PRR12: variants seen among roughly 807,000 people sequenced by gnomAD.
PRR12 encodes the protein proline rich 12.
PRR12 carries 12 observed loss-of-function variants against 138.0 expected under a neutral mutation model. The ratio of observed to expected loss-of-function variants is 0.09; its 90% CI spans 0.06 to 0.14. The LOEUF is 0.14. Ranked by LOEUF, PRR12 falls within the 10% of genes least tolerant of loss-of-function variation. The pLI is 1.00. For missense variants in PRR12, 2,692 were observed against 2,861.3 expected (o/e 0.94, Z 1.35); for synonymous variants, 1,567 against 1,291.7 (o/e 1.21, Z -4.57).
At chr19:49,615,227 A>T (rs997598073) in intron 8 of PRR12, among the ~76,000 whole-genome samples, 37 of 144,994 alleles carry the variant, frequency 2.6e-4, no homozygotes, top group Non-Finnish European at 5.0e-4. Flanking sequence ...AGAGACCCAG[A>T]GGTGGGGGGA....
At position 49,625,807 on chromosome 19, in the gene PRR12, T is replaced by G; in HGVS notation, c.*200T>G. On this transcript the variant is annotated 3_prime_UTR_variant, in exon 14 of 14. Coordinates refer to ENST00000418929, the MANE Select transcript of PRR12 (RefSeq NM_020719.3). This position sits in a 1 kb window ranked among gnomAD's most constrained non-coding sequence, Gnocchi z 5.5. ...CCAAGCCCCCTCCACTCCCTCCCCA[T>G]TCCTCCCACTGTTCGGTGTACAGAG... The G allele has an allele frequency of 1.8e-5, 9 of 510,616 alleles. No homozygotes were observed. The highest frequency in any genetic ancestry group is 3.6e-5 in the South Asian group (1 of 27,572). 31.6% of individuals were successfully genotyped at this position (510,616 alleles called of 1,614,324 possible). A position where few individuals can be genotyped will look rare whatever the true frequency, so the allele number is the denominator to read the frequency against.
chr19:49,617,829 G>A (rs1396774497), intron 9 of PRR12, among the ~76,000 whole-genome samples: 1 of 152,094 alleles, frequency 6.6e-6, no homozygotes, highest in African/African-American at 2.4e-5. Context: ...AAAGCGGCCG[G>A]GCACAGTGGC....
chr19:49,607,510 A>T (rs2080844816), intron 6 of PRR12, among the ~76,000 whole-genome samples: 1 of 152,044 alleles, frequency 6.6e-6, no homozygotes, highest in Admixed American at 6.6e-5. Flanking sequence ...GTTCAAGACC[A>T]GCTTGGGCAA....
chr19:49,620,509 G>C (rs367569334), intron 10 of PRR12, 32 bp downstream of exon 10: 7 of 1,511,582 alleles, frequency 4.6e-6, no homozygotes, highest in Non-Finnish European at 5.4e-6. Flanking sequence ...AGGGGGGGGG[G>C]CTGACTCGGT....
At chr19:49,610,835 G>A (rs950034340) in intron 6 of PRR12, among the ~76,000 whole-genome samples, 4 of 151,674 alleles carry the variant, frequency 2.6e-5, no homozygotes, top group African/African-American at 4.9e-5. Flanking sequence ...GAGCCACTGC[G>A]CCCGGCCTTT....
At chr19:49,624,407 A>C (rs2080943447) in intron 11 of PRR12, among the ~76,000 whole-genome samples, 1 of 147,758 alleles carries the variant, frequency 6.8e-6, no homozygotes, top group African/African-American at 2.5e-5. Flanking sequence ...GATAGTTAGG[A>C]TGGGGCTGAG....
chr19:49,595,271 C>A lies in PRR12; in HGVS notation c.936C>A (p.His312Gln). Reference protein sequence around the residue: ...PPPPPAHALQHYLSCGGSYPS... With the variant: ...PPPPPAHALQQYLSCGGSYPS... ...CGCCACCAGCCCATGCGCTCCAGCA[C>A]TATCTGAGCTGTGGAGGCAGCTACC... The change falls in exon 4 of 14, where the codon CAC becomes CAA. Residue 312 changes from histidine (H) to glutamine (Q), a missense_variant. By Grantham distance (24) the His-to-Gln change is conservative (BLOSUM62 0). Coordinates refer to ENST00000418929, the MANE Select transcript of PRR12 (RefSeq NM_020719.3). 1 of 1,545,586 alleles carries A rather than the reference C, an allele frequency of 6.5e-7. No homozygotes were observed. The highest frequency in any genetic ancestry group is 1.2e-5 in the South Asian group (1 of 83,906).
intron 9 of PRR12, among the ~76,000 whole-genome samples, chr19:49,617,710 G>A (rs1015941822): frequency 3.9e-5 from 6 of 152,246 alleles, no homozygotes; most frequent in African/African-American, 1.4e-4. Context: ...GGGCCACACA[G>A]TACAGGGGTA....
rs1400345385 is a variant in PRR12 at position 49,596,564 on chromosome 19, C to T, written c.2229C>T (p.Ala743=). Residue 743 remains alanine (A), a synonymous_variant, in exon 4 of 14, where the codon GCC becomes GCT. Transcript: ENST00000418929. The surrounding 1 kb of genome is among the most constrained non-coding windows in gnomAD (Gnocchi z 5.6). ...ERGGETPEGL[A]TSVVHYGAGA... ...GTGGCGAGACCCCCGAGGGGCTGGC[C>T]ACCTCTGTTGTCCACTACGGGGCAG... 4 of 1,604,066 alleles carry T rather than the reference C, an allele frequency of 2.5e-6. No homozygotes were observed. The highest frequency in any genetic ancestry group is 1.3e-5 in the African/African-American group (1 of 74,604).
At position 49,597,151 on chromosome 19, in the gene PRR12, T is replaced by G. The variant is rs1449059144; in HGVS notation, c.2816T>G (p.Leu939Arg). 1 of 1,551,870 alleles carries G rather than the reference T, an allele frequency of 6.4e-7. No individual in the cohort carries two copies. Among genetic ancestry groups the G allele is most frequent in the Non-Finnish European group, 8.7e-7 (1 of 1,147,796 alleles). ...TCCATCTGCTTCCCTGACTCCTTGC[T>G]CCAAGACGAGGAGCGCAGCTTCTTC... ...LTSICFPDSL[L>R]QDEERSFFPT... The change falls in exon 4 of 14, where the codon CTC becomes CGC. Residue 939 changes from leucine to arginine, a missense_variant. Leu to Arg is a moderately radical substitution (Grantham distance 102). Coordinates refer to ENST00000418929, the MANE Select transcript of PRR12 (RefSeq NM_020719.3). The surrounding 1 kb of genome is among the most constrained non-coding windows in gnomAD (Gnocchi z 6.3).
chr19:49,596,005 G>A lies in PRR12; in HGVS notation c.1670G>A (p.Gly557Asp). ...GWGPSSLGGG[G>D]EASPSHIIRP... ...GGACCCAGCTCCCTGGGAGGCGGCG[G>A]TGAGGCCAGCCCATCTCACATCATT... The change falls in exon 4 of 14, where the codon GGT (glycine) becomes GAT (aspartate). Residue 557 changes from glycine to aspartate, a missense_variant. Transcript: ENST00000418929. The surrounding 1 kb of genome is among the most constrained non-coding windows in gnomAD (Gnocchi z 5.6). 3.1e-6 allele frequency: 5 copies of A among 1,601,060 alleles called. No individual in the cohort carries two copies. The highest frequency in any genetic ancestry group is 4.2e-6 in the Non-Finnish European group (5 of 1,179,696).
In PRR12 at chr19:49,596,554, A is replaced by T. The variant is rs2080770568; in HGVS notation, c.2219A>T (p.Glu740Val). Residue 740 changes from glutamate (E) to valine (V), a missense_variant, in exon 4 of 14, where the codon GAG (glutamate) becomes GTG (valine). Glu to Val is a moderately radical substitution (Grantham distance 121). Around this residue, in one of 11 missense-constraint regions of PRR12, gnomAD observed 840 missense variants for 689.8 expected, o/e 1.22. Transcript: ENST00000418929. This position sits in a 1 kb window ranked among gnomAD's most constrained non-coding sequence, Gnocchi z 5.6. The stretch of plus-strand genomic sequence containing the variant: ...CCAGAGCGGGGTGGCGAGACCCCCG[A>T]GGGGCTGGCCACCTCTGTTGTCCAC... ...KGPERGGETP[E>V]GLATSVVHYG... is the part of the protein sequence containing the mutation. The T allele has an allele frequency of 3.1e-6, 5 of 1,605,934 alleles. No individual in the cohort carries two copies. The highest frequency in any genetic ancestry group is 4.2e-6 in the Non-Finnish European group (5 of 1,176,888).
chr19:49,605,760 G>A (rs996173678), intron 6 of PRR12, among the ~76,000 whole-genome samples: 3 of 152,232 alleles, frequency 2.0e-5, no homozygotes, highest in African/African-American at 7.2e-5. Flanking sequence ...TGGAGCCAGG[G>A]CCACCTGACA....
At position 49,594,792 on chromosome 19, in the gene PRR12, C is replaced by T; in HGVS notation, c.457C>T (p.His153Tyr). The change falls in exon 4 of 14, where the codon CAC (histidine) becomes TAC (tyrosine). Residue 153 changes from histidine to tyrosine, a missense_variant. This residue lies in a region of PRR12 where 211 missense variants were observed against 266.3 expected (regional missense o/e 0.79). Coordinates refer to ENST00000418929, the MANE Select transcript of PRR12 (RefSeq NM_020719.3). The surrounding 1 kb of genome is among the most constrained non-coding windows in gnomAD (Gnocchi z 5.6). ...CTCATCTGCCCTGTCGGCTTACCAACACCCGGCTTCCTTCGGCAGCCGCCC... is the reference window on the plus strand; with the variant it reads ...CTCATCTGCCCTGTCGGCTTACCAATACCCGGCTTCCTTCGGCAGCCGCCC... ...PSSSALSAYQ[H>Y]PASFGSRPFP... The T allele has an allele frequency of 6.2e-7, 1 of 1,613,314 alleles. No individual in the cohort carries two copies. Among genetic ancestry groups the T allele is most frequent in the Non-Finnish European group, 8.5e-7 (1 of 1,179,788 alleles).
At chr19:49,617,301 C>A (rs1459912390) in intron 9 of PRR12, among the ~76,000 whole-genome samples, 1 of 152,100 alleles carries the variant, frequency 6.6e-6, no homozygotes, top group Non-Finnish European at 1.5e-5. Context: ...ACCTAATAAA[C>A]CCCGTGAGAT....
At chr19:49,621,960 G>T (rs185625419) in intron 11 of PRR12, among the ~76,000 whole-genome samples, 1 of 152,260 alleles carries the variant, frequency 6.6e-6, no homozygotes, top group African/African-American at 2.4e-5. Flanking sequence ...TCCAATGCAG[G>T]CTATTAGGAT....
chr19:49,618,781 C>T (rs935160258), intron 9 of PRR12, among the ~76,000 whole-genome samples: 1 of 152,034 alleles, frequency 6.6e-6, no homozygotes, highest in African/African-American at 2.4e-5. Context: ...CAGGCCTGCC[C>T]AGCTCAGCCT....
rs774494810 is a variant in PRR12 at position 49,591,669 on chromosome 19, C to T, written c.15C>T (p.Tyr5=). Residue 5 remains tyrosine (Y), a synonymous_variant, in exon 1 of 14, where the codon TAC becomes TAT. Transcript: ENST00000418929. ...GCGGCCAATTCATGGACAGGAACTA[C>T]CCCAGCGCCGGCTTCGGGGACCCGC... MDRN[Y]PSAGFGDPLG... is the part of the protein sequence containing the mutation. 2.5e-5 allele frequency: 32 copies of T among 1,271,480 alleles called. No individual in the cohort carries two copies. The highest frequency in any genetic ancestry group is 3.2e-5 in the Non-Finnish European group (31 of 980,028). 78.8% of individuals were successfully genotyped at this position (1,271,480 alleles called of 1,614,324 possible).
rs376242751 is a variant in PRR12, at chr19:49,614,873, T to C, written c.4891-3T>C. On this transcript the variant is annotated splice_region_variant and splice_polypyrimidine_tract_variant and intron_variant, in intron 7 of 13. Coordinates refer to ENST00000418929, the MANE Select transcript of PRR12 (RefSeq NM_020719.3). The surrounding 1 kb of genome is among the most constrained non-coding windows in gnomAD (Gnocchi z 5.0). Reference sequence around the variant, plus strand: ...TTCCTCATGTGCCTCTTTCTCCCCATAGTATTTGGGGTATTTTGGGGATGC... The same window carrying C: ...TTCCTCATGTGCCTCTTTCTCCCCACAGTATTTGGGGTATTTTGGGGATGC... The C allele has an allele frequency of 5.8e-5, 93 of 1,613,796 alleles. No homozygotes were observed. In the African/African-American group the frequency reaches 9.6e-4, roughly 17 times the overall value.
Sources: allele counts gnomAD v4.1 joint callset (sites outside exome capture counted in the v4.1 genomes callset), GRCh38; gene constraint gnomAD v4.1.1; regional missense constraint gnomAD v4.1.1; non-coding constraint Gnocchi (gnomAD v3.1); transcripts MANE v1.5; gene names NCBI Gene and HGNC (gene_info 2026-07-23, HGNC 2026-07-21).